The following CNTN1 variants were observed in gnomAD, a reference collection of about 807,000 sequenced individuals.
The protein encoded by CNTN1 is contactin-1.
A neutral mutation model predicts 126.4 loss-of-function variants in CNTN1; 38 were observed. That is an observed-to-expected ratio of 0.30 (90% CI 0.23 to 0.39). CNTN1 has a LOEUF of 0.39. CNTN1 is among the 10% of genes least tolerant of loss of function. The pLI is 1.00. For missense variants in CNTN1, 1,009 were observed against 1,248.4 expected, an observed-to-expected ratio of 0.81 and a Z score of 2.89; for synonymous variants, 413 against 422.6, an observed-to-expected ratio of 0.98 and a Z score of 0.28.
chr12:40,941,339 C>A (rs1046341020), intron 12 of CNTN1, among the ~76,000 whole-genome samples: 3 of 151,922 alleles, frequency 2.0e-5, no homozygotes, highest in Non-Finnish European at 4.4e-5. Flanking sequence ...AAAAGCTAAA[C>A]ATAAAAATTT....
chr12:40,785,909 C>T (rs963606019), intron 1 of CNTN1, among the ~76,000 whole-genome samples: 2 of 152,064 alleles, frequency 1.3e-5, no homozygotes, highest in African/African-American at 4.8e-5. Flanking sequence ...GGATCTGCCC[C>T]CATGAGCCAA....
intron 1 of CNTN1, among the ~76,000 whole-genome samples, chr12:40,852,259 T>C (rs1942747002): frequency 1.3e-5 from 2 of 152,188 alleles, no homozygotes; most frequent in Admixed American, 1.3e-4. Flanking sequence ...AATTAACCCC[T>C]CGGTTTCCTT....
At chr12:40,808,607 G>A (rs1042847210) in intron 1 of CNTN1, among the ~76,000 whole-genome samples, 4 of 152,102 alleles carry the variant, frequency 2.6e-5, no homozygotes, top group Admixed American at 1.3e-4. Flanking sequence ...TGATGACTGT[G>A]ATTTTTTTAA....
chr12:40,925,694 T>C (rs1197259726), intron 6 of CNTN1, among the ~76,000 whole-genome samples: 1 of 145,222 alleles, frequency 6.9e-6, no homozygotes, highest in Admixed American at 7.0e-5. Flanking sequence ...TTCTCCACAA[T>C]AGGAGAAAGA....
chr12:41,031,759 C>T (rs1949149826), intron 23 of CNTN1, among the ~76,000 whole-genome samples: 1 of 151,894 alleles, frequency 6.6e-6, no homozygotes, highest in Non-Finnish European at 1.5e-5. Flanking sequence ...TTATTCTGAC[C>T]ATAACTGTAC....
chr12:41,024,810 A>G (rs1360540410), intron 20 of CNTN1, among the ~76,000 whole-genome samples: 1 of 152,224 alleles, frequency 6.6e-6, no homozygotes, highest in East Asian at 1.9e-4. Flanking sequence ...AATTATAGTG[A>G]CAAATACTTC....
intron 1 of CNTN1, among the ~76,000 whole-genome samples, chr12:40,809,814 TCACACACACACA>T (rs3223354): frequency 2.7e-5 from 4 of 146,852 alleles, no homozygotes; most frequent in South Asian, 2.2e-4. Flanking sequence ...AGACTCTGTC[TCACACACACACA>T]CACACACACA....
chr12:40,772,547 A>C (rs959884013), intron 1 of CNTN1, among the ~76,000 whole-genome samples: 19 of 151,952 alleles, frequency 1.3e-4, no homozygotes, highest in Non-Finnish European at 2.1e-4. Flanking sequence ...TACCTGTACA[A>C]TTTTTGCCAT....
chr12:40,826,872 T>C (rs1315054704), intron 1 of CNTN1, among the ~76,000 whole-genome samples: 2 of 152,192 alleles, frequency 1.3e-5, no homozygotes, highest in Non-Finnish European at 2.9e-5. Flanking sequence ...ATTGTGTGTG[T>C]GTGTGCATGT....
chr12:40,813,028 C>CTTTCCTTTT (rs1555162790), intron 1 of CNTN1, among the ~76,000 whole-genome samples: 3 of 33,842 alleles, frequency 8.9e-5, no homozygotes, highest in Non-Finnish European at 2.2e-4. Flanking sequence ...TTCTTTCTTT[C>CTTTCCTTTT]TCTTTCTTTC....
intron 1 of CNTN1, among the ~76,000 whole-genome samples, chr12:40,797,819 G>C (rs1389246618): frequency 6.6e-6 from 1 of 152,000 alleles, no homozygotes; most frequent in Admixed American, 6.6e-5. Flanking sequence ...AGTGTCCATA[G>C]AGGAAGAAGA....
At chr12:41,019,542 C>A (rs963436721) in intron 19 of CNTN1, among the ~76,000 whole-genome samples, 1 of 151,978 alleles carries the variant, frequency 6.6e-6, no homozygotes, top group Non-Finnish European at 1.5e-5. Flanking sequence ...AGGATTATGG[C>A]ATTTTAATGA....
intron 1 of CNTN1, among the ~76,000 whole-genome samples, chr12:40,867,234 A>G (rs933723105): frequency 6.6e-6 from 1 of 152,130 alleles, no homozygotes; most frequent in African/African-American, 2.4e-5. Context: ...TGACATAGAA[A>G]CTAAAAAGAC....
chr12:40,778,234 C>T (rs191913648), intron 1 of CNTN1, among the ~76,000 whole-genome samples: 6 of 151,890 alleles, frequency 4.0e-5, no homozygotes, highest in African/African-American at 1.2e-4. Context: ...ATGTTATCAT[C>T]ATATTTTATT....
intron 14 of CNTN1, among the ~76,000 whole-genome samples, chr12:40,948,199 G>C (rs147650948): frequency 1.1e-3 from 158 of 150,452 alleles, no homozygotes; most frequent in African/African-American, 3.6e-3. Context: ...TTTTATAAGA[G>C]AGCAATCATC....
intron 1 of CNTN1, among the ~76,000 whole-genome samples, chr12:40,759,930 A>G (rs1938788330): frequency 1.3e-5 from 2 of 152,114 alleles, no homozygotes; most frequent in East Asian, 1.9e-4. Context: ...ACACAAGAGT[A>G]GGTGACCACT....
chr12:40,916,371 A>G (rs1345710798), intron 3 of CNTN1, among the ~76,000 whole-genome samples: 1 of 152,154 alleles, frequency 6.6e-6, no homozygotes, highest in Non-Finnish European at 1.5e-5. Flanking sequence ...GGAATAGCTT[A>G]TGAAATTGTC....
Position 40,961,974 on chromosome 12 carries a change from G to T in CNTN1, c.1804+2740G>T, listed in dbSNP as rs562867740. Among the ~76,000 whole-genome samples the T allele has an allele frequency of 1.6e-3, 242 of 151,558 alleles. 1 individual carries two copies. The highest frequency in any genetic ancestry group is 4.1e-3 in the South Asian group (20 of 4,826). On this transcript the variant is annotated intron_variant, in intron 15 of 23. Coordinates refer to ENST00000551295, the MANE Select transcript of CNTN1 (RefSeq NM_001843.4). ...ATGGACTAATTTTAATCCATATTCA[G>T]ATATTGGTAATCTGAACTGCAGCTG...
chr12:40,713,112 T>A (rs1565633783), intron 1 of CNTN1, among the ~76,000 whole-genome samples: 1 of 152,164 alleles, frequency 6.6e-6, no homozygotes, highest in Non-Finnish European at 1.5e-5. Context: ...ACCACTAGCT[T>A]CTGCTCCTGC....
Sources: gnomAD v4.1 joint callset for allele counts (sites outside exome capture counted in the v4.1 genomes callset) on GRCh38, gnomAD v4.1.1 for gene constraint, MANE v1.5 for transcripts, NCBI Gene and HGNC (gene_info 2026-07-23, HGNC 2026-07-21) for gene names.